Variants in PRXL2A observed in about 807,000 individuals in gnomAD.
PRXL2A encodes the protein peroxiredoxin like 2A, also known as peroxiredoxin-like 2A.
Under a neutral mutation model 25.6 loss-of-function variants are expected in PRXL2A, and 26 were observed. The observed-to-expected ratio is 1.02, with a 90% CI of 0.74 to 1.41. PRXL2A has a LOEUF of 1.41. Among genes scored for constraint, PRXL2A ranks in the 40% most tolerant of loss-of-function variants. PRXL2A has a pLI of 0.00. For missense variants in PRXL2A, 246 were observed against 273.9 expected, an observed-to-expected ratio of 0.90 and a Z score of 0.72; for synonymous variants, 98 against 102.9, an observed-to-expected ratio of 0.95 and a Z score of 0.29.
intron 3 of PRXL2A, among the ~76,000 whole-genome samples, chr10:80,422,960 C>G (rs753135368): frequency 2.4e-4 from 36 of 152,340 alleles, no homozygotes; most frequent in Non-Finnish European, 5.1e-4. Context: ...CTGCCTGTCT[C>G]TCTTTCCTTG....
chr10:80,428,102 C>T (rs1048568340), intron 5 of PRXL2A, among the ~76,000 whole-genome samples: 3 of 152,088 alleles, frequency 2.0e-5, no homozygotes, highest in Non-Finnish European at 1.5e-5. Context: ...CTGTGGGGAT[C>T]TTGGTGTCAG....
rs1428966103 is a variant in PRXL2A, at chr10:80,433,340, G to C, written c.*1241G>C. On this transcript the variant is annotated 3_prime_UTR_variant, in exon 6 of 6. Transcript: ENST00000606162. ...TGTTTGAATTTTGTCGTGTAAGTTT[G>C]AGTGACATCATCAAGACCTACCAGG... The C allele has an allele frequency of 6.6e-6, 1 of 152,178 alleles. No homozygotes were observed. Among genetic ancestry groups the C allele is most frequent in the East Asian group, 1.9e-4 (1 of 5,192 alleles). 9.4% of individuals were successfully genotyped at this position (152,178 alleles called of 1,614,324 possible). A position where few individuals can be genotyped will look rare whatever the true frequency, so the allele number is the denominator to read the frequency against.
chr10:80,413,948 C>T, intron 1 of PRXL2A: 1 of 987,022 alleles, frequency 1.0e-6, no homozygotes, highest in South Asian at 1.9e-5. Context: ...AGGGAGTTGC[C>T]TTGTATAGGA....
intron 5 of PRXL2A, among the ~76,000 whole-genome samples, chr10:80,431,558 C>CT (rs1314282904): frequency 1.3e-5 from 2 of 152,096 alleles, no homozygotes. Flanking sequence ...GAGGGTCTCT[C>CT]TTTTAGATGG....
At position 80,434,853 on chromosome 10, in the gene PRXL2A, G is replaced by T. The variant is rs187909969; in HGVS notation, c.*2754G>T. The T allele has an allele frequency of 6.6e-6, 1 of 152,128 alleles. No homozygotes were observed. The highest frequency in any genetic ancestry group is 1.5e-5 in the Non-Finnish European group (1 of 68,032). The allele number at this position is 152,128 out of a possible 1,614,324, so 9.4% of individuals were successfully genotyped here. On this transcript the variant is annotated 3_prime_UTR_variant, in exon 6 of 6. Transcript: ENST00000606162. ...AGAAACACATTCCTGTGCAGCAGAA[G>T]ATACATATATCCCCCAAAGGGACAG... is the stretch of plus-strand genomic sequence containing the variant.
chr10:80,423,210 G>A (rs1240306735), intron 3 of PRXL2A, among the ~76,000 whole-genome samples: 1 of 152,248 alleles, frequency 6.6e-6, no homozygotes, highest in Non-Finnish European at 1.5e-5. Context: ...ATCAGTGGAA[G>A]GAAGGAACTG....
At chr10:80,426,931 G>A (rs543185156) in intron 4 of PRXL2A, among the ~76,000 whole-genome samples, 2 of 152,136 alleles carry the variant, frequency 1.3e-5, no homozygotes, top group South Asian at 4.2e-4. Context: ...ATCATTTGTG[G>A]TCAGGAGTTC....
intron 1 of PRXL2A, chr10:80,419,998 A>T: frequency 2.0e-6 from 2 of 985,604 alleles, no homozygotes; most frequent in Non-Finnish European, 2.4e-6. Flanking sequence ...TGGTGTTCTA[A>T]GTATCCTCTG....
rs369304439 is a variant in PRXL2A, at chr10:80,413,024, G to T, written c.-3+4381G>T. 9.2e-5 allele frequency among the ~76,000 whole-genome samples: 14 copies of T among 152,246 alleles called. No individual in the cohort carries two copies. The East Asian group carries it at 1.5e-3, about 17-fold the overall frequency. ...GGGTTTGGGCAGCAGCAGTGAGGTC[G>T]AGAAGAGGATGGGTAGCAGATACAT... On this transcript the variant is annotated intron_variant, in intron 1 of 5. Coordinates refer to ENST00000606162, the MANE Select transcript of PRXL2A (RefSeq NM_032333.5).
At chr10:80,417,348 G>A (rs889526417) in intron 1 of PRXL2A, among the ~76,000 whole-genome samples, 89 of 152,302 alleles carry the variant, frequency 5.8e-4, no homozygotes, top group African/African-American at 2.1e-3. Context: ...TACCTTATCA[G>A]TTAATTGGGC....
chr10:80,431,177 T>C (rs1477204472), intron 5 of PRXL2A, among the ~76,000 whole-genome samples: 1 of 152,096 alleles, frequency 6.6e-6, no homozygotes, highest in Non-Finnish European at 1.5e-5. Flanking sequence ...GGAGTACAGG[T>C]GTGAGCCACA....
At chr10:80,429,592 G>A in intron 5 of PRXL2A, among the ~76,000 whole-genome samples, 1 of 79,090 alleles carries the variant, frequency 1.3e-5, no homozygotes. Flanking sequence ...AGCCTCTCCT[G>A]CCCTGCCCTG....
intron 1 of PRXL2A, among the ~76,000 whole-genome samples, chr10:80,418,954 C>G (rs767517253): frequency 2.6e-5 from 4 of 152,176 alleles, no homozygotes; most frequent in Admixed American, 2.0e-4. Context: ...CCAGCCTCCT[C>G]TGCAGATGCC....
At chr10:80,419,465 C>T (rs1280382892) in intron 1 of PRXL2A, among the ~76,000 whole-genome samples, 3 of 151,534 alleles carry the variant, frequency 2.0e-5, no homozygotes, top group African/African-American at 4.9e-5. Flanking sequence ...CGCACCACCA[C>T]GCCCGGCTAA....
intron 5 of PRXL2A, among the ~76,000 whole-genome samples, chr10:80,430,609 GAACTACA>G (rs1845220717): frequency 6.6e-6 from 1 of 152,078 alleles, no homozygotes; most frequent in Non-Finnish European, 1.5e-5. Flanking sequence ...TCGCACCACT[GAACTACA>G]GCCTGGGAAA....
chr10:80,432,687 T>G lies in PRXL2A; in HGVS notation c.*588T>G, dbSNP rs1804747809. On this transcript the variant is annotated 3_prime_UTR_variant, in exon 6 of 6. Coordinates refer to ENST00000606162, the MANE Select transcript of PRXL2A (RefSeq NM_032333.5). ...TGCTGTGCCTCATTACAAATGCATA[T>G]GATGTTTGAGTGCTGTTGTTTGAAA... The G allele has an allele frequency of 1.3e-5, 2 of 149,960 alleles. No homozygotes were observed. The highest frequency in any genetic ancestry group is 3.0e-5 in the Non-Finnish European group (2 of 67,262). The allele number at this position is 149,960 out of a possible 1,614,324, so 9.3% of individuals were successfully genotyped here. A position where few individuals can be genotyped will look rare whatever the true frequency, so the allele number is the denominator to read the frequency against.
intron 1 of PRXL2A, among the ~76,000 whole-genome samples, chr10:80,416,810 A>G (rs971801562): frequency 2.6e-5 from 4 of 152,216 alleles, no homozygotes; most frequent in Non-Finnish European, 5.9e-5. Context: ...AAGGCAGTAT[A>G]AGATTCCTTA....
Position 80,427,418 on chromosome 10 carries a change from G to C in PRXL2A, c.498G>C (p.Trp166Cys). Reference sequence around the variant, plus strand: ...TGTGGTACAACTTCTTCCGAGCCTGGAACGGAGGCTTCTCTGGAAACCTGG... The same window carrying C: ...TGTGGTACAACTTCTTCCGAGCCTGCAACGGAGGCTTCTCTGGAAACCTGG... ...LGVWYNFFRAWNGGFSGNLEG... is the reference protein window; with the variant it reads ...LGVWYNFFRACNGGFSGNLEG... The change falls in exon 5 of 6, where the codon TGG becomes TGC. Residue 166 changes from tryptophan to cysteine, a missense_variant. Trp to Cys is a radical substitution (Grantham distance 215). Coordinates refer to ENST00000606162, the MANE Select transcript of PRXL2A (RefSeq NM_032333.5). 1 of 1,614,136 alleles carries C rather than the reference G, an allele frequency of 6.2e-7. No homozygotes were observed. The highest frequency in any genetic ancestry group is 2.2e-5 in the East Asian group (1 of 44,878).
At chr10:80,414,865 G>C (rs1844603336) in intron 1 of PRXL2A, among the ~76,000 whole-genome samples, 1 of 152,218 alleles carries the variant, frequency 6.6e-6, no homozygotes, top group Non-Finnish European at 1.5e-5. Context: ...CCATACCTCT[G>C]CAATCTTAGA....
Sources: gnomAD v4.1 joint callset for allele counts (sites outside exome capture counted in the v4.1 genomes callset) on GRCh38, gnomAD v4.1.1 for gene constraint, MANE v1.5 for transcripts, NCBI Gene and HGNC (gene_info 2026-07-23, HGNC 2026-07-21) for gene names.